Variants in PRIM2 observed in about 807,000 individuals in gnomAD.
PRIM2 encodes DNA primase subunit 2, also known as DNA primase large subunit.
PRIM2 carries 39 observed loss-of-function variants against 67.3 expected under a neutral mutation model. The observed-to-expected ratio is 0.58, with a 90% CI of 0.45 to 0.76. The LOEUF (loss-of-function observed/expected upper bound fraction) is 0.76. PRIM2 is among the 30% of genes least tolerant of loss of function. The probability of loss-of-function intolerance (pLI) is 0.00; values close to 1 mark genes in which losing one functional copy is unlikely to be tolerated. For missense variants in PRIM2, 398 were observed against 598.7 expected, an observed-to-expected ratio of 0.66 and a Z score of 3.50; for synonymous variants, 143 against 198.7, an observed-to-expected ratio of 0.72 and a Z score of 2.36.
chr6:57,555,366 A>G (rs1775492451), intron 10 of PRIM2, among the ~76,000 whole-genome samples: 1 of 152,028 alleles, frequency 6.6e-6, no homozygotes, highest in Non-Finnish European at 1.5e-5. Flanking sequence ...TGCAAGCTCC[A>G]CCTCCCAGCT....
At chr6:57,288,554 C>T in the PRIM2 span, among the ~76,000 whole-genome samples, 1 of 152,122 alleles carries the variant, frequency 6.6e-6, no homozygotes, top group Non-Finnish European at 1.5e-5. Flanking sequence ...GGGCAACAGA[C>T]ACCTCATAGA....
intron 7 of PRIM2, among the ~76,000 whole-genome samples, chr6:57,489,718 T>C (rs1402933958): frequency 2.6e-5 from 4 of 152,292 alleles, no homozygotes; most frequent in Non-Finnish European, 4.4e-5. Flanking sequence ...AGAGTTAATA[T>C]AGGCTGTTGG....
At chr6:57,357,200 G>A (rs1769058113) in intron 5 of PRIM2, among the ~76,000 whole-genome samples, 1 of 152,094 alleles carries the variant, frequency 6.6e-6, no homozygotes, top group Admixed American at 6.5e-5. Context: ...CCAAAGTGCT[G>A]GGATTACAGG....
At chr6:57,299,080 C>T in the PRIM2 span, among the ~76,000 whole-genome samples, 1 of 150,616 alleles carries the variant, frequency 6.6e-6, no homozygotes, top group Non-Finnish European at 1.5e-5. Flanking sequence ...CTGTCTCTCT[C>T]TCTCTTTTTC....
chr6:57,417,044 GCAGT>G (rs1327675344), intron 7 of PRIM2, among the ~76,000 whole-genome samples: 2 of 149,444 alleles, frequency 1.3e-5, no homozygotes, highest in Non-Finnish European at 3.0e-5. Flanking sequence ...TCAGCTCATT[GCAGT>G]CTCCGCCTCC....
Position 57,382,130 on chromosome 6 carries a change from C to T in PRIM2, c.655C>T (p.Leu219=). The T allele has an allele frequency of 6.2e-7, 1 of 1,613,256 alleles. No individual in the cohort carries two copies. Among genetic ancestry groups the T allele is most frequent in the Non-Finnish European group, 8.5e-7 (1 of 1,179,484 alleles). Residue 219 remains leucine, a synonymous_variant, in exon 7 of 14, where the codon CTG becomes TTG. Transcript: ENST00000615550. ...VPLKDIVAII[L]NEFRAKLSKA... The stretch of plus-strand genomic sequence containing the variant: ...ACTTAAGGACATTGTGGCAATCATC[C>T]TGAATGAATTTAGAGCCAAACTGTC...
At chr6:57,579,161 T>A (rs1776029408) in intron 10 of PRIM2, among the ~76,000 whole-genome samples, 1 of 151,868 alleles carries the variant, frequency 6.6e-6, no homozygotes, top group African/African-American at 2.4e-5. Context: ...ATACAGTTTT[T>A]TTTTTTTTTG....
chr6:57,547,787 T>C (rs1775318458), intron 10 of PRIM2, among the ~76,000 whole-genome samples: 1 of 152,234 alleles, frequency 6.6e-6, no homozygotes, highest in Admixed American at 6.5e-5. Context: ...AAGGAACATT[T>C]AGCACTGTTT....
chr6:57,566,715 G>C (rs1390002868), intron 10 of PRIM2, among the ~76,000 whole-genome samples: 4 of 152,124 alleles, frequency 2.6e-5, no homozygotes, highest in African/African-American at 9.7e-5. Flanking sequence ...AAAGTTAAGG[G>C]ATGAGAAATA....
intron 7 of PRIM2, among the ~76,000 whole-genome samples, chr6:57,416,032 G>A (rs1368378178): frequency 1.3e-5 from 2 of 152,136 alleles, no homozygotes; most frequent in Non-Finnish European, 2.9e-5. Context: ...AATCACAAAT[G>A]TTCTTAATGG....
intron 10 of PRIM2, among the ~76,000 whole-genome samples, chr6:57,551,334 G>A (rs1259676838): frequency 1.3e-5 from 2 of 152,162 alleles, no homozygotes; most frequent in Admixed American, 6.5e-5. Context: ...AATCTAGATG[G>A]TTACTGTTCT....
chr6:57,255,233 G>T, the PRIM2 span, among the ~76,000 whole-genome samples: 8 of 152,044 alleles, frequency 5.3e-5, no homozygotes, highest in Admixed American at 1.3e-4. Flanking sequence ...GTGTGGTGGT[G>T]CACACCTGTA....
At chr6:57,264,537 G>C in the PRIM2 span, among the ~76,000 whole-genome samples, 1 of 150,704 alleles carries the variant, frequency 6.6e-6, no homozygotes, top group Non-Finnish European at 1.5e-5. Context: ...GTAAACAGTT[G>C]CAACCCCTCT....
intron 10 of PRIM2, among the ~76,000 whole-genome samples, chr6:57,585,590 G>A (rs1407367450): frequency 2.0e-5 from 3 of 152,176 alleles, no homozygotes; most frequent in African/African-American, 4.8e-5. Context: ...TACCAAGGCG[G>A]GTGTTGGAGA....
At chr6:57,608,925 A>T (rs1776615666) in intron 12 of PRIM2, among the ~76,000 whole-genome samples, 1 of 152,210 alleles carries the variant, frequency 6.6e-6, no homozygotes, top group South Asian at 2.1e-4. Flanking sequence ...TCTTTCCTTT[A>T]TACCATGACT....
chr6:57,444,848 A>T, intron 7 of PRIM2, among the ~76,000 whole-genome samples: 1 of 151,686 alleles, frequency 6.6e-6, no homozygotes, highest in Non-Finnish European at 1.5e-5. Context: ...TTAAAATTTC[A>T]TCTCCTCTGG....
the PRIM2 span, among the ~76,000 whole-genome samples, chr6:57,309,181 A>G: frequency 1.3e-5 from 2 of 150,182 alleles, no homozygotes; most frequent in Non-Finnish European, 3.0e-5. Flanking sequence ...GGGTACATGT[A>G]CACATTGTGC....
At chr6:57,336,359 C>T (rs537312860) in intron 5 of PRIM2, among the ~76,000 whole-genome samples, 11 of 151,832 alleles carry the variant, frequency 7.2e-5, no homozygotes, top group African/African-American at 9.7e-5. Flanking sequence ...ATACAGAGAA[C>T]GCCACAAAGA....
Position 57,331,450 on chromosome 6 carries a change from C to T in PRIM2, c.459+5405C>T, listed in dbSNP as rs142727342. Among the ~76,000 whole-genome samples the T allele has an allele frequency of 7.7e-3, 1,165 of 152,166 alleles. 8 individuals carry two copies. Among genetic ancestry groups the T allele is most frequent in the Non-Finnish European group, 0.014 (973 of 67,996 alleles). On this transcript the variant is annotated intron_variant, in intron 5 of 13. Coordinates refer to ENST00000615550, the MANE Select transcript of PRIM2 (RefSeq NM_000947.5). Reference sequence around the variant, plus strand: ...AGAATGAGTTGGGAAATGTTTCCTCCTCTTCCGTTTTTTGGAGGAGGTTGT... The same window carrying T: ...AGAATGAGTTGGGAAATGTTTCCTCTTCTTCCGTTTTTTGGAGGAGGTTGT...
Sources: gnomAD v4.1 joint callset for allele counts (sites outside exome capture counted in the v4.1 genomes callset) on GRCh38, gnomAD v4.1.1 for gene constraint, MANE v1.5 for transcripts, NCBI Gene and HGNC (gene_info 2026-07-23, HGNC 2026-07-21) for gene names.